The following TGFB1I1 variants were observed in gnomAD, a reference collection of about 807,000 sequenced individuals.
TGFB1I1 encodes transforming growth factor beta-1-induced transcript 1 protein.
Under a neutral mutation model 52.0 loss-of-function variants are expected in TGFB1I1, and 33 were observed. That is an observed-to-expected ratio of 0.63 (90% CI 0.48 to 0.85). TGFB1I1 has a LOEUF of 0.85. Among genes scored for constraint, TGFB1I1 ranks in the 40% least tolerant of loss-of-function variants. TGFB1I1 has a pLI of 0.00. For missense variants in TGFB1I1, 577 were observed against 614.9 expected (o/e 0.94, Z 0.65); for synonymous variants, 236 against 253.3 (o/e 0.93, Z 0.65).
rs2082403364 is a variant in TGFB1I1 at position 31,473,528 on chromosome 16, C to T, written c.101C>T (p.Pro34Leu). Residue 34 changes from proline (P) to leucine (L), a missense_variant, in exon 2 of 11, where the codon CCT becomes CTT. This residue lies in a region of TGFB1I1 where 113 missense variants were observed against 123.9 expected (regional missense o/e 0.91). Transcript: ENST00000394863. ...GAGCGCCCTGCGGAGCCTCTCACCCCTCCCCCATCCTATGGCCACCAGCCA... is the reference window on the plus strand; with the variant it reads ...GAGCGCCCTGCGGAGCCTCTCACCCTTCCCCCATCCTATGGCCACCAGCCA... The part of the protein sequence containing the change: ...PKERPAEPLT[P>L]PPSYGHQPQT... 6.2e-7 allele frequency: 1 copy of T among 1,613,860 alleles called. No homozygotes were observed.
chr16:31,476,712 C>G lies in TGFB1I1; in HGVS notation c.970+150C>G. 2 of 1,455,904 alleles carry G rather than the reference C, an allele frequency of 1.4e-6. No homozygotes were observed. Among genetic ancestry groups the G allele is most frequent in the Non-Finnish European group, 1.9e-6 (2 of 1,076,708 alleles). The allele number at this position is 1,455,904 out of a possible 1,614,324, so 90.2% of individuals were successfully genotyped here. A position where few individuals can be genotyped will look rare whatever the true frequency, so the allele number is the denominator to read the frequency against. On this transcript the variant is annotated intron_variant, in intron 9 of 10. Coordinates refer to ENST00000394863, the MANE Select transcript of TGFB1I1 (RefSeq NM_001042454.3). This position sits in a 1 kb window ranked among gnomAD's most constrained non-coding sequence, Gnocchi z 7.6. ...CTCCTACACAGACTCCGGACCCGAGCCCTCCCCGCTCTGTCCCGCCATAGA... is the reference window on the plus strand; with the variant it reads ...CTCCTACACAGACTCCGGACCCGAGGCCTCCCCGCTCTGTCCCGCCATAGA...
At position 31,474,555 on chromosome 16, in the gene TGFB1I1, C is replaced by T. The variant is rs201878000; in HGVS notation, c.520-8C>T. The T allele has an allele frequency of 1.1e-5, 17 of 1,608,478 alleles. No individual in the cohort carries two copies. Among genetic ancestry groups the T allele is most frequent in the African/African-American group, 5.3e-5 (4 of 74,842 alleles). On this transcript the variant is annotated splice_region_variant and splice_polypyrimidine_tract_variant and intron_variant, in intron 6 of 10. Transcript: ENST00000394863. This position sits in a 1 kb window ranked among gnomAD's most constrained non-coding sequence, Gnocchi z 4.2. ...GCTGACTCAATTCTCATGTCCTCCC[C>T]GCTGCAGCTTCCAGCCTCTGGGCCA... is the stretch of plus-strand genomic sequence containing the variant.
At chr16:31,472,492 G>A (rs2082397063) in intron 1 of TGFB1I1, 1 of 386,932 alleles carries the variant, frequency 2.6e-6, no homozygotes, top group Non-Finnish European at 4.4e-6. Context: ...TCTGGGGAGG[G>A]AGGGGTTAAA....
Position 31,477,593 on chromosome 16 carries a change from C to T in TGFB1I1, c.*17C>T, listed in dbSNP as rs780729776. The T allele has an allele frequency of 1.3e-6, 2 of 1,585,676 alleles. No individual in the cohort carries two copies. Among genetic ancestry groups the T allele is most frequent in the Non-Finnish European group, 1.7e-6 (2 of 1,167,828 alleles). On this transcript the variant is annotated 3_prime_UTR_variant, in exon 11 of 11. Coordinates refer to ENST00000394863, the MANE Select transcript of TGFB1I1 (RefSeq NM_001042454.3). The surrounding 1 kb of genome is among the most constrained non-coding windows in gnomAD (Gnocchi z 4.7). ...TTCGGCTGACAGCCCGCTCGGCTCG[C>T]CCTCTCCCCCGGAGGCCGCGCCCTC...
In TGFB1I1 at chr16:31,477,238, C is replaced by A; in HGVS notation, c.1120-72C>A. 1 of 1,541,358 alleles carries A rather than the reference C, an allele frequency of 6.5e-7. No individual in the cohort carries two copies. On this transcript the variant is annotated intron_variant, in intron 10 of 10. Coordinates refer to ENST00000394863, the MANE Select transcript of TGFB1I1 (RefSeq NM_001042454.3). The surrounding 1 kb of genome is among the most constrained non-coding windows in gnomAD (Gnocchi z 4.7). ...GGGCTGCGGGGTCCCAGGGCGTTAT[C>A]CGCTAGTAACGCGCGTTGTCTGGCA...
chr16:31,476,691 TAC>T lies in TGFB1I1; in HGVS notation c.970+133_970+134del, dbSNP rs2082426229. 3 of 1,431,618 alleles carry T rather than the reference TAC, an allele frequency of 2.1e-6. No homozygotes were observed. Among genetic ancestry groups the T allele is most frequent in the Non-Finnish European group, 2.9e-6 (3 of 1,052,372 alleles). 88.7% of individuals were successfully genotyped at this position (1,431,618 alleles called of 1,614,324 possible). A position where few individuals can be genotyped will look rare whatever the true frequency, so the allele number is the denominator to read the frequency against. On this transcript the variant is annotated intron_variant, in intron 9 of 10. Coordinates refer to ENST00000394863, the MANE Select transcript of TGFB1I1 (RefSeq NM_001042454.3). The surrounding 1 kb of genome is among the most constrained non-coding windows in gnomAD (Gnocchi z 7.6). ...GCTCTCTTCTGGCCCTGCCCTCTCC[TAC>T]ACAGACTCCGGACCCGAGCCCTCCC...
chr16:31,476,319 C>T lies in TGFB1I1; in HGVS notation c.888+134C>T, dbSNP rs1157488744. On this transcript the variant is annotated intron_variant, in intron 8 of 10. Transcript: ENST00000394863. The surrounding 1 kb of genome is among the most constrained non-coding windows in gnomAD (Gnocchi z 7.6). Reference sequence around the variant, plus strand: ...TACCCCTTCCCCTTGGCAATGTCCACGGCCCCTTGGACTCCACTCTTCCTT... The same window carrying T: ...TACCCCTTCCCCTTGGCAATGTCCATGGCCCCTTGGACTCCACTCTTCCTT... 6.8e-6 allele frequency: 9 copies of T among 1,314,632 alleles called. No homozygotes were observed. Among genetic ancestry groups the T allele is most frequent in the Non-Finnish European group, 9.4e-6 (9 of 961,350 alleles). 81.4% of individuals were successfully genotyped at this position (1,314,632 alleles called of 1,614,324 possible). A position where few individuals can be genotyped will look rare whatever the true frequency, so the allele number is the denominator to read the frequency against.
chr16:31,474,295 T>C lies in TGFB1I1; in HGVS notation c.414-55T>C. ...GATGAGTCCTGGATATCTGAGTCAC[T>C]AGAGGGAGCGTTGCTCTGGGAGGCT... On this transcript the variant is annotated intron_variant, in intron 5 of 10. Coordinates refer to ENST00000394863, the MANE Select transcript of TGFB1I1 (RefSeq NM_001042454.3). The surrounding 1 kb of genome is among the most constrained non-coding windows in gnomAD (Gnocchi z 4.2). 1.2e-6 allele frequency: 2 copies of C among 1,613,434 alleles called. No individual in the cohort carries two copies. The highest frequency in any genetic ancestry group is 1.7e-6 in the Non-Finnish European group (2 of 1,179,428).
rs1292415954 is a variant in TGFB1I1 at position 31,474,857 on chromosome 16, G to A, written c.714+100G>A. 2.7e-6 allele frequency: 3 copies of A among 1,115,324 alleles called. No individual in the cohort carries two copies. Among genetic ancestry groups the A allele is most frequent in the Non-Finnish European group, 3.9e-6 (3 of 777,698 alleles). The allele number at this position is 1,115,324 out of a possible 1,614,324, so 69.1% of individuals were successfully genotyped here. On this transcript the variant is annotated intron_variant, in intron 7 of 10. Coordinates refer to ENST00000394863, the MANE Select transcript of TGFB1I1 (RefSeq NM_001042454.3). This position sits in a 1 kb window ranked among gnomAD's most constrained non-coding sequence, Gnocchi z 4.2. ...TGTTCCCTTTTAGTAAGTTAATCTG[G>A]GAAGTGGGTATCATTATTACTTATG...
chr16:31,474,392 C>T lies in TGFB1I1; in HGVS notation c.456C>T (p.Thr152=). The change falls in exon 6 of 11, where the codon ACC becomes ACT. Residue 152 remains threonine, a synonymous_variant. Transcript: ENST00000394863. This position sits in a 1 kb window ranked among gnomAD's most constrained non-coding sequence, Gnocchi z 4.2. ...PSPGLPKASA[T]SATLELDRLM... ...CTGGCCTCCCAAAGGCTTCTGCCAC[C>T]TCAGCCACTCTGGAGCTGGATAGAC... The T allele has an allele frequency of 6.2e-7, 1 of 1,614,246 alleles. No individual in the cohort carries two copies. The highest frequency in any genetic ancestry group is 8.5e-7 in the Non-Finnish European group (1 of 1,180,054).
rs769892933 is a variant in TGFB1I1 at position 31,473,696 on chromosome 16, G to A, written c.144G>A (p.Glu48=). Residue 48 remains glutamate (E), a synonymous_variant, in exon 3 of 11, where the codon GAG becomes GAA. Coordinates refer to ENST00000394863, the MANE Select transcript of TGFB1I1 (RefSeq NM_001042454.3). The stretch of plus-strand genomic sequence containing the variant: ...CCGCTCTGTAGACAGGGTCTGGGGA[G>A]TCTTCAGGAGCCTCGGGGGACAAGG... ...YGHQPQTGSG[E]SSGASGDKDH... 1.9e-6 allele frequency: 3 copies of A among 1,555,012 alleles called. No homozygotes were observed. In the African/African-American group the frequency reaches 4.1e-5, roughly 21 times the overall value.
chr16:31,472,389 C>T, intron 1 of TGFB1I1, 188 bp downstream of exon 1: 1 of 1,078,066 alleles, frequency 9.3e-7, no homozygotes, highest in Non-Finnish European at 1.2e-6. Flanking sequence ...GGGCCGGCCG[C>T]TCCCTCCCTT....
chr16:31,473,514 G>C lies in TGFB1I1; in HGVS notation c.87G>C (p.Ala29=). 1 of 1,613,854 alleles carries C rather than the reference G, an allele frequency of 6.2e-7. No homozygotes were observed. The highest frequency in any genetic ancestry group is 8.5e-7 in the Non-Finnish European group (1 of 1,180,024). The change falls in exon 2 of 11, where the codon GCG becomes GCC. Residue 29 remains alanine (A), a synonymous_variant. Transcript: ENST00000394863. Reference sequence around the variant, plus strand: ...CAGGGGCTCCCAAAGAGCGCCCTGCGGAGCCTCTCACCCCTCCCCCATCCT... The same window carrying C: ...CAGGGGCTCCCAAAGAGCGCCCTGCCGAGCCTCTCACCCCTCCCCCATCCT... ...PRSGAPKERP[A]EPLTPPPSYG... is the part of the protein sequence containing the mutation.
At position 31,474,814 on chromosome 16, in the gene TGFB1I1, G is replaced by A. The variant is rs2082414550; in HGVS notation, c.714+57G>A. 6 of 1,509,522 alleles carry A rather than the reference G, an allele frequency of 4.0e-6. No individual in the cohort carries two copies. In the African/African-American group the frequency reaches 4.1e-5, roughly 10 times the overall value. 93.5% of individuals were successfully genotyped at this position (1,509,522 alleles called of 1,614,324 possible). A position where few individuals can be genotyped will look rare whatever the true frequency, so the allele number is the denominator to read the frequency against. On this transcript the variant is annotated intron_variant, in intron 7 of 10. Transcript: ENST00000394863. This position sits in a 1 kb window ranked among gnomAD's most constrained non-coding sequence, Gnocchi z 4.2. ...GACCTGTCACAGACCCATCTTTAGT[G>A]AGAGCTGGGCTTTATGCTGTTCCCT...
rs1032742795 is a variant in TGFB1I1, at chr16:31,476,647, G to A, written c.970+85G>A. 9.4e-6 allele frequency: 14 copies of A among 1,496,078 alleles called. No homozygotes were observed. Among genetic ancestry groups the A allele is most frequent in the South Asian group, 8.5e-5 (7 of 82,714 alleles). The allele number at this position is 1,496,078 out of a possible 1,614,324, so 92.7% of individuals were successfully genotyped here. ...GCCCCTCCGACCTCCGGAGTCCTCA[G>A]GGCCATGGTTTTCCTTCTGCTCTCT... On this transcript the variant is annotated intron_variant, in intron 9 of 10. Transcript: ENST00000394863. This position sits in a 1 kb window ranked among gnomAD's most constrained non-coding sequence, Gnocchi z 7.6.
In TGFB1I1 at chr16:31,476,209, A is replaced by C. The variant is rs755490894; in HGVS notation, c.888+24A>C. The C allele has an allele frequency of 6.2e-7, 1 of 1,603,456 alleles. No individual in the cohort carries two copies. Among genetic ancestry groups the C allele is most frequent in the Non-Finnish European group, 8.5e-7 (1 of 1,176,132 alleles). On this transcript the variant is annotated intron_variant, in intron 8 of 10. Coordinates refer to ENST00000394863, the MANE Select transcript of TGFB1I1 (RefSeq NM_001042454.3). This position sits in a 1 kb window ranked among gnomAD's most constrained non-coding sequence, Gnocchi z 7.6. The stretch of plus-strand genomic sequence containing the variant: ...ACGTGAGCCCCGCCCGGCCGCACCG[A>C]GCCCGCCCTATCTCACCAGGAGAGC...
In TGFB1I1 at chr16:31,476,310, C is replaced by T; in HGVS notation, c.888+125C>T. On this transcript the variant is annotated intron_variant, in intron 8 of 10. Coordinates refer to ENST00000394863, the MANE Select transcript of TGFB1I1 (RefSeq NM_001042454.3). This position sits in a 1 kb window ranked among gnomAD's most constrained non-coding sequence, Gnocchi z 7.6. ...CTCCACCCCTACCCCTTCCCCTTGGCAATGTCCACGGCCCCTTGGACTCCA... is the reference window on the plus strand; with the variant it reads ...CTCCACCCCTACCCCTTCCCCTTGGTAATGTCCACGGCCCCTTGGACTCCA... The T allele has an allele frequency of 7.9e-7, 1 of 1,266,532 alleles. No individual in the cohort carries two copies. Among genetic ancestry groups the T allele is most frequent in the Non-Finnish European group, 1.1e-6 (1 of 938,422 alleles). The allele number at this position is 1,266,532 out of a possible 1,614,324, so 78.5% of individuals were successfully genotyped here. A position where few individuals can be genotyped will look rare whatever the true frequency, so the allele number is the denominator to read the frequency against.
rs77790972 is a variant in TGFB1I1, at chr16:31,477,919, T to G, written c.*343T>G. On this transcript the variant is annotated 3_prime_UTR_variant, in exon 11 of 11. Transcript: ENST00000394863. The surrounding 1 kb of genome is among the most constrained non-coding windows in gnomAD (Gnocchi z 4.7). ...TGCTCCCTGCACCCTCACTGTTCTG[T>G]GCACTTTTTCTACCTACATAAACAC... The G allele has an allele frequency of 8.0e-4, 273 of 339,538 alleles. 2 individuals are homozygous for G. In the East Asian group the frequency reaches 0.013, roughly 17 times the overall value. The allele number at this position is 339,538 out of a possible 1,614,324, so 21.0% of individuals were successfully genotyped here.
In TGFB1I1 at chr16:31,476,413, G is replaced by A. The variant is rs2082423926; in HGVS notation, c.889-68G>A. The A allele has an allele frequency of 7.3e-6, 11 of 1,499,092 alleles. No homozygotes were observed. The South Asian group carries it at 1.3e-4, about 18-fold the overall frequency. 92.9% of individuals were successfully genotyped at this position (1,499,092 alleles called of 1,614,324 possible). Reference sequence around the variant, plus strand: ...ACGCATGCCTTAGTCCAGTCACCCGGGTTCCGCGCGGGAGAGGAAGGCGCG... The same window carrying A: ...ACGCATGCCTTAGTCCAGTCACCCGAGTTCCGCGCGGGAGAGGAAGGCGCG... On this transcript the variant is annotated intron_variant, in intron 8 of 10. Coordinates refer to ENST00000394863, the MANE Select transcript of TGFB1I1 (RefSeq NM_001042454.3). The surrounding 1 kb of genome is among the most constrained non-coding windows in gnomAD (Gnocchi z 7.6).
Sources: gnomAD v4.1 joint callset for allele counts on GRCh38, gnomAD v4.1.1 for gene constraint, gnomAD v4.1.1 regional missense constraint, Gnocchi (gnomAD v3.1) non-coding constraint, MANE v1.5 for transcripts, NCBI Gene and HGNC (gene_info 2026-07-23, HGNC 2026-07-21) for gene names.